The following TEX14 variants were observed in gnomAD, a reference collection of about 807,000 sequenced individuals.
TEX14 encodes testis expressed 14, intercellular bridge forming factor, also known as inactive serine/threonine-protein kinase TEX14.
A neutral mutation model predicts 178.6 loss-of-function variants in TEX14; 168 were observed. The observed-to-expected ratio is 0.94, with a 90% CI of 0.83 to 1.07. The LOEUF is 1.07. Among genes scored for constraint, TEX14 ranks in the 50% least tolerant of loss-of-function variants. The pLI, the probability that TEX14 is intolerant of heterozygous loss-of-function variation, is 0.00. For synonymous variants in TEX14, 626 were observed against 634.1 expected (o/e 0.99, Z 0.19); for missense variants, 1,730 against 1,753.6 (o/e 0.99, Z 0.24).
chr17:58,611,399 A>G, intron 9 of TEX14, 60 bp from the exon 10 acceptor site: 1 of 1,267,176 alleles, frequency 7.9e-7, no homozygotes, highest in East Asian at 2.3e-5. Context: ...GACACTGTAG[A>G]GCATTTTGTG....
intron 1 of TEX14, among the ~76,000 whole-genome samples, chr17:58,670,971 T>C (rs1179815285): frequency 2.0e-5 from 3 of 152,096 alleles, no homozygotes; most frequent in Non-Finnish European, 2.9e-5. Context: ...ATATATACAA[T>C]TGGGACACTG....
At chr17:58,636,912 CA>C (rs1372655315) in intron 2 of TEX14, among the ~76,000 whole-genome samples, 11 of 143,386 alleles carry the variant, frequency 7.7e-5, no homozygotes, top group Non-Finnish European at 7.6e-5. Context: ...GACTCTGTCT[CA>C]AAAAAAAAAG....
At chr17:58,647,209 A>G (rs2143206419) in intron 2 of TEX14, among the ~76,000 whole-genome samples, 1 of 151,634 alleles carries the variant, frequency 6.6e-6, no homozygotes. Flanking sequence ...CTGGAACGGC[A>G]CAATTAAAGT....
chr17:58,662,729 T>C (rs145185800), intron 1 of TEX14, among the ~76,000 whole-genome samples: 4 of 152,116 alleles, frequency 2.6e-5, no homozygotes, highest in Non-Finnish European at 1.5e-5. Flanking sequence ...GAAGGAAGGG[T>C]TGATGCTCAG....
At chr17:58,587,028 A>G (rs1303370553) in intron 17 of TEX14, among the ~76,000 whole-genome samples, 3 of 152,204 alleles carry the variant, frequency 2.0e-5, no homozygotes, top group Non-Finnish European at 4.4e-5. Flanking sequence ...ATAAACAGGT[A>G]ATTACTTATC....
At chr17:58,664,870 G>GTAC (rs1391364066) in intron 1 of TEX14, among the ~76,000 whole-genome samples, 10 of 152,232 alleles carry the variant, frequency 6.6e-5, no homozygotes, top group African/African-American at 2.4e-4. Context: ...TGTGCCTGTG[G>GTAC]TACGTAACAG....
At chr17:58,641,621 C>G (rs1908177235) in intron 2 of TEX14, among the ~76,000 whole-genome samples, 1 of 151,676 alleles carries the variant, frequency 6.6e-6, no homozygotes, top group Admixed American at 6.6e-5. Flanking sequence ...ATTCTCCTGC[C>G]TCGGCCTCCC....
At chr17:58,619,102 GA>G (rs960596879) in intron 5 of TEX14, among the ~76,000 whole-genome samples, 3 of 152,228 alleles carry the variant, frequency 2.0e-5, no homozygotes, top group African/African-American at 7.2e-5. Flanking sequence ...TGCTGACAGT[GA>G]GGGTGTCAGC....
At chr17:58,624,341 CTTT>C (rs34422419) in intron 3 of TEX14, among the ~76,000 whole-genome samples, 3 of 128,602 alleles carry the variant, frequency 2.3e-5, no homozygotes, top group South Asian at 2.6e-4. Flanking sequence ...CTTTTCTTTT[CTTT>C]TTTTTTTTTT....
chr17:58,604,190 C>T (rs999124080), intron 11 of TEX14, among the ~76,000 whole-genome samples: 1 of 151,204 alleles, frequency 6.6e-6, no homozygotes, highest in Non-Finnish European at 1.5e-5. Context: ...AAGTTTGCTT[C>T]GGCCGGGCGT....
At chr17:58,634,589 CT>C (rs1264075818) in intron 2 of TEX14, among the ~76,000 whole-genome samples, 2 of 152,156 alleles carry the variant, frequency 1.3e-5, no homozygotes, top group Non-Finnish European at 2.9e-5. Flanking sequence ...CCCAATGTAT[CT>C]CCCCTATCTT....
intron 2 of TEX14, among the ~76,000 whole-genome samples, chr17:58,644,697 A>T (rs1421207673): frequency 1.7e-5 from 2 of 120,518 alleles, no homozygotes; most frequent in Admixed American, 1.1e-4. Context: ...CCCAGGCTAG[A>T]GTGGCAAGAT....
intron 2 of TEX14, among the ~76,000 whole-genome samples, chr17:58,643,053 C>T (rs1158123246): frequency 6.6e-6 from 1 of 152,212 alleles, no homozygotes; most frequent in East Asian, 1.9e-4. Context: ...GTATCTCCAG[C>T]ACATTGCCTG....
At chr17:58,565,859 C>T (rs2044386815) in intron 26 of TEX14, 35 bp from the exon 27 acceptor site, 1 of 1,550,274 alleles carries the variant, frequency 6.5e-7, no homozygotes, top group Non-Finnish European at 8.8e-7. Context: ...AAACTTATTT[C>T]CTCCCTTGCG....
At chr17:58,588,147 G>A (rs564591481) in intron 15 of TEX14, 126 bp from the exon 16 acceptor site, 33 of 614,986 alleles carry the variant, frequency 5.4e-5, no homozygotes, top group Middle Eastern at 4.1e-4. Flanking sequence ...CAGTTGAAGC[G>A]CAGTTTCACA....
chr17:58,640,463 A>C (rs368815935), intron 2 of TEX14, among the ~76,000 whole-genome samples: 1 of 152,186 alleles, frequency 6.6e-6, no homozygotes, highest in African/African-American at 2.4e-5. Flanking sequence ...CACAGTTTTG[A>C]AACAGAGCTG....
intron 3 of TEX14, among the ~76,000 whole-genome samples, chr17:58,628,520 A>G (rs1253118175): frequency 2.6e-5 from 4 of 152,048 alleles, no homozygotes; most frequent in East Asian, 1.9e-4. Flanking sequence ...AGACCATCCT[A>G]GCTAACACGG....
intron 8 of TEX14, among the ~76,000 whole-genome samples, chr17:58,614,542 T>C (rs1168751952): frequency 2.0e-5 from 3 of 152,206 alleles, no homozygotes; most frequent in Non-Finnish European, 4.4e-5. Context: ...CACCTAAGGT[T>C]GCATGCCCAA....
chr17:58,590,276 A>C (rs1008282505), intron 15 of TEX14, among the ~76,000 whole-genome samples: 6 of 151,314 alleles, frequency 4.0e-5, no homozygotes, highest in Admixed American at 6.6e-5. Flanking sequence ...AAAAAAAAAA[A>C]AAAACCATGA....
Sources: gnomAD v4.1 joint callset for allele counts (sites outside exome capture counted in the v4.1 genomes callset) on GRCh38, gnomAD v4.1.1 for gene constraint, MANE v1.5 for transcripts, NCBI Gene and HGNC (gene_info 2026-07-23, HGNC 2026-07-21) for gene names.